Variants in CLASP2 observed in about 807,000 individuals in gnomAD.
CLASP2 encodes CLIP-associating protein 2.
Under a neutral mutation model 194.4 loss-of-function variants are expected in CLASP2, and 47 were observed. That is an observed-to-expected ratio of 0.24 (90% CI 0.19 to 0.31). CLASP2 has a LOEUF of 0.31. Among genes scored for constraint, CLASP2 ranks in the 10% least tolerant of loss-of-function variants. The pLI is 1.00. For missense variants in CLASP2, 1,445 were observed against 1,823.6 expected, an observed-to-expected ratio of 0.79 and a Z score of 3.78; for synonymous variants, 619 against 633.5, an observed-to-expected ratio of 0.98 and a Z score of 0.34.
chr3:33,598,780 C>T (rs2071207640), intron 18 of CLASP2, among the ~76,000 whole-genome samples: 2 of 152,168 alleles, frequency 1.3e-5, no homozygotes, highest in African/African-American at 4.8e-5. Flanking sequence ...ACTATATTTT[C>T]TTTTCCACTC....
At chr3:33,610,216 G>A (rs1270293520) in intron 13 of CLASP2, among the ~76,000 whole-genome samples, 1 of 152,006 alleles carries the variant, frequency 6.6e-6, no homozygotes, top group Non-Finnish European at 1.5e-5. Context: ...TAAAAATTAG[G>A]CTTGGACATC....
chr3:33,528,152 A>G (rs1032343507), intron 34 of CLASP2, among the ~76,000 whole-genome samples: 1 of 152,180 alleles, frequency 6.6e-6, no homozygotes, highest in Non-Finnish European at 1.5e-5. Context: ...CAAATCAATG[A>G]ATGTGATTCA....
intron 1 of CLASP2, among the ~76,000 whole-genome samples, chr3:33,710,527 C>A (rs920054560): frequency 3.3e-5 from 5 of 152,222 alleles, no homozygotes; most frequent in African/African-American, 1.2e-4. Context: ...GAGCTATGAT[C>A]GTGCCACTAC....
At chr3:33,713,222 T>C (rs546734165) in intron 1 of CLASP2, among the ~76,000 whole-genome samples, 3 of 152,198 alleles carry the variant, frequency 2.0e-5, no homozygotes, top group South Asian at 2.1e-4. Context: ...TAAGACATTA[T>C]AGAGGTTTTT....
chr3:33,642,617 G>T (rs1019613973), intron 8 of CLASP2, among the ~76,000 whole-genome samples: 7 of 151,806 alleles, frequency 4.6e-5, no homozygotes, highest in African/African-American at 1.7e-4. Flanking sequence ...GAAACTATGT[G>T]ACTCCCAAGG....
At chr3:33,662,199 A>C (rs1316352443) in intron 7 of CLASP2, among the ~76,000 whole-genome samples, 1 of 152,232 alleles carries the variant, frequency 6.6e-6, no homozygotes, top group Non-Finnish European at 1.5e-5. Context: ...CAAGAATAAC[A>C]GTGCTTTCGA....
chr3:33,674,300 C>T (rs1268418461), intron 6 of CLASP2, among the ~76,000 whole-genome samples: 1 of 152,020 alleles, frequency 6.6e-6, no homozygotes, highest in Non-Finnish European at 1.5e-5. Flanking sequence ...CACTCAAAAC[C>T]ACTCAACTAC....
intron 30 of CLASP2, among the ~76,000 whole-genome samples, chr3:33,546,326 T>C (rs1448707713): frequency 2.0e-5 from 3 of 152,214 alleles, no homozygotes; most frequent in East Asian, 3.8e-4. Flanking sequence ...TCATGTTCCA[T>C]TGATCTATTT....
intron 25 of CLASP2, among the ~76,000 whole-genome samples, chr3:33,571,014 A>ATTTTTTTTTTTTTTTTTTTTTT (rs1276472825): frequency 3.1e-5 from 4 of 127,820 alleles, no homozygotes; most frequent in East Asian, 2.6e-4. Flanking sequence ...TGTCTCTATA[A>ATTTTTTTTTTTTTTTTTTTTTT]ATTTTTTTTT....
At chr3:33,516,758 A>G (rs1020542500) in intron 35 of CLASP2, among the ~76,000 whole-genome samples, 14 of 152,212 alleles carry the variant, frequency 9.2e-5, no homozygotes, top group African/African-American at 2.7e-4. Context: ...GTACTTTTCT[A>G]TAAGAATTCA....
At chr3:33,573,578 C>T (rs2064210147) in intron 24 of CLASP2, 1 of 571,362 alleles carries the variant, frequency 1.8e-6, no homozygotes, top group Admixed American at 2.8e-5. Flanking sequence ...GTGGTAGAAG[C>T]AGAGTAAGAC....
chr3:33,661,760 T>C (rs2085344996), intron 7 of CLASP2, among the ~76,000 whole-genome samples: 1 of 152,206 alleles, frequency 6.6e-6, no homozygotes, highest in Non-Finnish European at 1.5e-5. Flanking sequence ...TAGACCTACA[T>C]ACTGGGAATC....
chr3:33,699,764 T>C (rs1227540168), intron 1 of CLASP2, among the ~76,000 whole-genome samples: 1 of 151,902 alleles, frequency 6.6e-6, no homozygotes, highest in Non-Finnish European at 1.5e-5. Flanking sequence ...AAAAGTTACG[T>C]GTGTCTTGTC....
chr3:33,691,426 C>T (rs1398860988), intron 2 of CLASP2, among the ~76,000 whole-genome samples: 1 of 152,032 alleles, frequency 6.6e-6, no homozygotes, highest in East Asian at 1.9e-4. Flanking sequence ...AAAGAAATTA[C>T]ATTCTTTTTG....
intron 30 of CLASP2, among the ~76,000 whole-genome samples, chr3:33,546,184 C>T (rs1378216836): frequency 6.6e-6 from 1 of 151,970 alleles, no homozygotes. Flanking sequence ...GCTTTATTTC[C>T]CCTGTAGGGA....
intron 35 of CLASP2, 76 bp downstream of exon 35, chr3:33,516,905 C>T (rs77504651): frequency 0.022 from 27,267 of 1,234,656 alleles, 377 homozygotes; most frequent in South Asian, 0.027. Flanking sequence ...TTGCTAAATC[C>T]GTGTAGCATT....
intron 7 of CLASP2, among the ~76,000 whole-genome samples, chr3:33,657,306 T>C (rs1046928480): frequency 5.9e-5 from 9 of 152,150 alleles, no homozygotes; most frequent in African/African-American, 2.2e-4. Flanking sequence ...CCTATCACTA[T>C]ATACATATCT....
At chr3:33,517,768 C>A (rs1460299779) in intron 34 of CLASP2, among the ~76,000 whole-genome samples, 3 of 152,054 alleles carry the variant, frequency 2.0e-5, no homozygotes, top group Non-Finnish European at 4.4e-5. Context: ...CTCAATTGAT[C>A]CTCCCAACTT....
intron 6 of CLASP2, among the ~76,000 whole-genome samples, chr3:33,671,689 CAAAG>C (rs1196853015): frequency 6.6e-6 from 1 of 152,180 alleles, no homozygotes; most frequent in Non-Finnish European, 1.5e-5. Flanking sequence ...CTTTCCTAGT[CAAAG>C]AAAGGGGTGA....
Sources: gnomAD v4.1 joint callset for allele counts (sites outside exome capture counted in the v4.1 genomes callset) on GRCh38, gnomAD v4.1.1 for gene constraint, MANE v1.5 for transcripts, NCBI Gene and HGNC (gene_info 2026-07-23, HGNC 2026-07-21) for gene names.